Variants in EML4 observed in about 807,000 individuals in gnomAD.
EML4 encodes EMAP like 4.
EML4 carries 72 observed loss-of-function variants against 129.0 expected under a neutral mutation model. That is an observed-to-expected ratio of 0.56 (90% CI 0.46 to 0.68). EML4 has a LOEUF of 0.68. EML4 is among the 30% of genes least tolerant of loss of function. EML4 has a pLI of 0.00. For synonymous variants in EML4, 532 were observed against 405.0 expected, an observed-to-expected ratio of 1.31 and a Z score of -3.77; for missense variants, 1,363 against 1,190.6, an observed-to-expected ratio of 1.14 and a Z score of -2.13.
Position 42,227,941 on chromosome 2 carries a change from C to T in EML4, c.26-17564C>T, listed in dbSNP as rs957272422. On this transcript the variant is annotated intron_variant, in intron 1 of 22. Coordinates refer to ENST00000318522, the MANE Select transcript of EML4 (RefSeq NM_019063.5). ...AGGGAGTCAAAAATTATACATAGGC[C>T]GGGCACAGTGGCTCACACCTGTAAT... Among the ~76,000 whole-genome samples, 10 of 152,148 alleles carry T rather than the reference C, an allele frequency of 6.6e-5. No homozygotes were observed. In the East Asian group the frequency reaches 1.9e-3, roughly 29 times the overall value.
rs758992627 is a variant in EML4 at position 42,245,544 on chromosome 2, A to G, written c.65A>G (p.Asp22Gly). The G allele has an allele frequency of 4.3e-6, 7 of 1,613,812 alleles. No homozygotes were observed. In the South Asian group the frequency reaches 7.7e-5, roughly 18 times the overall value. Residue 22 changes from aspartate (D) to glycine (G), a missense_variant, in exon 2 of 23, where the codon GAT becomes GGT. Coordinates refer to ENST00000318522, the MANE Select transcript of EML4 (RefSeq NM_019063.5). Reference protein sequence around the residue: ...ISAASTSDVQDRLSALESRVQ... With the variant: ...ISAASTSDVQGRLSALESRVQ... ...GCTGCAAGTACTTCTGATGTTCAAG[A>G]TCGCCTGTCAGCTCTTGAGTCACGA...
chr2:42,326,368 T>C, intron 21 of EML4, 116 bp downstream of exon 21: 1 of 672,320 alleles, frequency 1.5e-6, no homozygotes. Context: ...TTTATCACTA[T>C]TAATGTCAGC....
At chr2:42,216,230 C>CTTTTTTTTTTTTTTT (rs61417977) in intron 1 of EML4, among the ~76,000 whole-genome samples, 1 of 43,356 alleles carries the variant, frequency 2.3e-5, no homozygotes, top group African/African-American at 1.3e-4. Context: ...CGGCCCACTT[C>CTTTTTTTTTTTTTTT]TTTTTTTTTT....
chr2:42,313,952 C>G (rs1019550204), intron 17 of EML4, among the ~76,000 whole-genome samples: 1 of 151,616 alleles, frequency 6.6e-6, no homozygotes, highest in Non-Finnish European at 1.5e-5. Flanking sequence ...AAAAAAAAGC[C>G]TACCATCACG....
intron 1 of EML4, among the ~76,000 whole-genome samples, chr2:42,232,970 C>T (rs1424732602): frequency 2.0e-5 from 3 of 152,162 alleles, no homozygotes; most frequent in Admixed American, 1.3e-4. Context: ...GATCCCCCTG[C>T]CTCACCCGCC....
Position 42,169,402 on chromosome 2 carries a change from CG to C in EML4, c.-208del. 1 of 391,496 alleles carries C rather than the reference CG, an allele frequency of 2.6e-6. No individual in the cohort carries two copies. Among genetic ancestry groups the C allele is most frequent in the Non-Finnish European group, 4.5e-6 (1 of 221,748 alleles). The allele number at this position is 391,496 out of a possible 1,614,324, so 24.3% of individuals were successfully genotyped here. A position where few individuals can be genotyped will look rare whatever the true frequency, so the allele number is the denominator to read the frequency against. On this transcript the variant is annotated 5_prime_UTR_variant, in exon 1 of 23. Transcript: ENST00000318522. ...GAGGGAGGCCGGGCAGGCGGCTGAG[CG>C]GCGCGGCTCTCAACGTGACGGGGAA...
rs541304974 is a variant in EML4, at chr2:42,286,254, C to T, written c.1012-15C>T. 1.1e-4 allele frequency: 163 copies of T among 1,495,008 alleles called. 3 individuals are homozygous for T. The South Asian group carries it at 1.7e-3, about 16-fold the overall frequency. The allele number at this position is 1,495,008 out of a possible 1,614,324, so 92.6% of individuals were successfully genotyped here. A position where few individuals can be genotyped will look rare whatever the true frequency, so the allele number is the denominator to read the frequency against. On this transcript the variant is annotated splice_polypyrimidine_tract_variant and intron_variant, in intron 9 of 22. Coordinates refer to ENST00000318522, the MANE Select transcript of EML4 (RefSeq NM_019063.5). ...TCCACCTGTCCAGTTGCTCTGCTGT[C>T]TTGTGTTTTTGCAGCCTCTACAACC...
chr2:42,329,856 G>A lies in EML4; in HGVS notation c.2595G>A (p.Val865=), dbSNP rs745434025. Residue 865 remains valine, a synonymous_variant, in exon 23 of 23, where the codon GTG becomes GTA. Coordinates refer to ENST00000318522, the MANE Select transcript of EML4 (RefSeq NM_019063.5). ...KDMSIIQWKL[V]EKLSLPQNET... is the part of the protein sequence containing the mutation. ...TGAGCATCATTCAGTGGAAACTTGT[G>A]GAAAAGTTATCTTTGCCTCAGAATG... is the stretch of plus-strand genomic sequence containing the variant. 5 of 1,613,920 alleles carry A rather than the reference G, an allele frequency of 3.1e-6. No homozygotes were observed. The highest frequency in any genetic ancestry group is 4.2e-6 in the Non-Finnish European group (5 of 1,180,006).
At chr2:42,214,478 T>A (rs6544519) in intron 1 of EML4, among the ~76,000 whole-genome samples, 98,430 of 151,746 alleles carry the variant, frequency 0.65, 32,338 homozygotes, top group East Asian at 0.75. Context: ...AAAATGAATG[T>A]ATTGCTAAAA....
chr2:42,227,174 G>C (rs770571762), intron 1 of EML4, among the ~76,000 whole-genome samples: 1 of 152,112 alleles, frequency 6.6e-6, no homozygotes, highest in Non-Finnish European at 1.5e-5. Flanking sequence ...CAGTGGCACA[G>C]TTGTGGCTCA....
chr2:42,218,441 C>T lies in EML4; in HGVS notation c.26-27064C>T, dbSNP rs1276930110. 3.3e-5 allele frequency among the ~76,000 whole-genome samples: 5 copies of T among 152,068 alleles called. No homozygotes were observed. The South Asian group carries it at 1.0e-3, about 32-fold the overall frequency. ...AATGTGTTTGAATGATCCCAGCCCT[C>T]CCCCGCTGCCCCTAGTCTGTGGAAA... On this transcript the variant is annotated intron_variant, in intron 1 of 22. Coordinates refer to ENST00000318522, the MANE Select transcript of EML4 (RefSeq NM_019063.5).
intron 2 of EML4, among the ~76,000 whole-genome samples, chr2:42,252,726 A>G (rs933570209): frequency 4.6e-5 from 7 of 152,122 alleles, no homozygotes; most frequent in African/African-American, 1.7e-4. Flanking sequence ...ATACTGCAAT[A>G]GGATCCCATT....
intron 1 of EML4, among the ~76,000 whole-genome samples, chr2:42,223,159 A>T (rs17029354): frequency 0.026 from 3,999 of 152,126 alleles, 186 homozygotes; most frequent in African/African-American, 0.092. Context: ...AACATATTTC[A>T]TTCACTTGAT....
At chr2:42,319,891 CTTAGAGCT>C (rs1351328554) in intron 19 of EML4, 2 of 152,154 alleles carry the variant, frequency 1.3e-5, no homozygotes, top group Non-Finnish European at 2.9e-5. Context: ...GCACAGTACG[CTTAGAGCT>C]TTAGGAAGTG....
At chr2:42,196,543 A>G (rs10183437) in intron 1 of EML4, among the ~76,000 whole-genome samples, 95,560 of 152,114 alleles carry the variant, frequency 0.63, 30,689 homozygotes, top group East Asian at 0.75. Flanking sequence ...TGAGACTATG[A>G]TAAGAGTTCC....
intron 20 of EML4, 67 bp downstream of exon 20, chr2:42,325,621 T>TG: frequency 1.8e-5 from 2 of 111,288 alleles, no homozygotes; most frequent in Non-Finnish European, 2.7e-5. Context: ...TATATATATA[T>TG]ATATATATAT....
chr2:42,225,320 A>G (rs1673885728), intron 1 of EML4, among the ~76,000 whole-genome samples: 1 of 152,070 alleles, frequency 6.6e-6, no homozygotes, highest in African/African-American at 2.4e-5. Context: ...TTTTTGAGGA[A>G]ATGCCCACTG....
intron 1 of EML4, among the ~76,000 whole-genome samples, chr2:42,221,199 G>A (rs1390380974): frequency 6.6e-6 from 1 of 152,042 alleles, no homozygotes; most frequent in Non-Finnish European, 1.5e-5. Context: ...TTCATAGCTA[G>A]AGAAGAGAAG....
At chr2:42,299,787 C>G (rs1668177855) in intron 13 of EML4, among the ~76,000 whole-genome samples, 1 of 152,214 alleles carries the variant, frequency 6.6e-6, no homozygotes, top group South Asian at 2.1e-4. Flanking sequence ...CTCCCAGGTT[C>G]AAGCGATTCT....
Sources: allele counts gnomAD v4.1 joint callset (sites outside exome capture counted in the v4.1 genomes callset), GRCh38; gene constraint gnomAD v4.1.1; transcripts MANE v1.5; gene names NCBI Gene and HGNC (gene_info 2026-07-23, HGNC 2026-07-21).